CIST1: variants seen among roughly 807,000 people sequenced by gnomAD.
CIST1 encodes uncharacterized LOC729966.
chr19:18,251,259 C>T, the CIST1 span, among the ~76,000 whole-genome samples: 2 of 149,844 alleles, frequency 1.3e-5, no homozygotes, highest in African/African-American at 2.5e-5. Context: ...CCAAGTAGCC[C>T]GGATTACAGG....
the CIST1 span, among the ~76,000 whole-genome samples, chr19:18,254,114 A>G: frequency 6.6e-6 from 1 of 152,176 alleles, no homozygotes. Flanking sequence ...CATGGAACTC[A>G]GGCTGGGCTT....
chr19:18,252,983 G>A, the CIST1 span, among the ~76,000 whole-genome samples: 1 of 152,098 alleles, frequency 6.6e-6, no homozygotes, highest in African/African-American at 2.4e-5. Context: ...GACACCATGT[G>A]AGCTCTCAGT....
the CIST1 span, chr19:18,252,554 C>T: frequency 2.5e-6 from 1 of 398,156 alleles, no homozygotes; most frequent in Non-Finnish European, 4.4e-6. Flanking sequence ...CACTTGAACC[C>T]AGGAATTAGA....
chr19:18,251,122 TAG>T, the CIST1 span, among the ~76,000 whole-genome samples: 5 of 140,728 alleles, frequency 3.6e-5, no homozygotes, highest in African/African-American at 1.3e-4. Flanking sequence ...ATTTTTGAGA[TAG>T]AGTCTTTTTT....
the CIST1 span, chr19:18,255,074 G>T: frequency 2.5e-6 from 1 of 392,566 alleles, no homozygotes. The surrounding 1 kb of genome is among the most constrained non-coding windows in gnomAD (Gnocchi z 4.6). Flanking sequence ...GTTTGTTTCT[G>T]GGGGAAAACC....
At chr19:18,250,222 C>T in the CIST1 span, 6 of 398,866 alleles carry the variant, frequency 1.5e-5, no homozygotes, top group East Asian at 7.1e-5. Flanking sequence ...CCAAAAGGCT[C>T]TGCAGCCCAG....
the CIST1 span, among the ~76,000 whole-genome samples, chr19:18,254,418 G>A: frequency 1.3e-5 from 2 of 152,210 alleles, no homozygotes; most frequent in African/African-American, 2.4e-5. Flanking sequence ...GGGTTGACCA[G>A]AAGGTAAAAA....
chr19:18,251,722 G>C, the CIST1 span, among the ~76,000 whole-genome samples: 2 of 19,916 alleles, frequency 1.0e-4, no homozygotes, highest in African/African-American at 1.8e-4. Flanking sequence ...CAAAGTGCTG[G>C]GATTACAGGC....
the CIST1 span, among the ~76,000 whole-genome samples, chr19:18,251,315 G>A: frequency 4.6e-5 from 7 of 150,832 alleles, no homozygotes; most frequent in African/African-American, 7.3e-5. Context: ...TAGTAGAGAC[G>A]GGGTTTCACC....
the CIST1 span, chr19:18,250,193 A>C: frequency 2.5e-6 from 1 of 398,780 alleles, no homozygotes; most frequent in Non-Finnish European, 4.4e-6. Flanking sequence ...GAAGGAACAC[A>C]CAGGGAGGCA....
the CIST1 span, among the ~76,000 whole-genome samples, chr19:18,251,312 G>T: frequency 1.7e-4 from 25 of 151,220 alleles, no homozygotes; most frequent in African/African-American, 6.1e-4. Flanking sequence ...TTTTAGTAGA[G>T]ACGGGGTTTC....
chr19:18,251,863 A>G, the CIST1 span, among the ~76,000 whole-genome samples: 4 of 151,876 alleles, frequency 2.6e-5, no homozygotes, highest in South Asian at 2.1e-4. Flanking sequence ...CTCTTTGCCC[A>G]TCGCTGCGTG....
At chr19:18,252,406 C>T in the CIST1 span, 3 of 398,666 alleles carry the variant, frequency 7.5e-6, no homozygotes, top group Non-Finnish European at 8.8e-6. Context: ...GTGCTGTGGG[C>T]GAAGGGAGAA....
At chr19:18,254,776 G>T in the CIST1 span, among the ~76,000 whole-genome samples, 1 of 152,166 alleles carries the variant, frequency 6.6e-6, no homozygotes, top group Non-Finnish European at 1.5e-5. Context: ...CTGTCTTATA[G>T]GAGAGCAAGA....
the CIST1 span, among the ~76,000 whole-genome samples, chr19:18,253,974 T>C: frequency 6.6e-6 from 1 of 152,192 alleles, no homozygotes; most frequent in African/African-American, 2.4e-5. Context: ...TGACTCACCC[T>C]AGGCAGCAGA....
the CIST1 span, among the ~76,000 whole-genome samples, chr19:18,251,559 C>G: frequency 1.3e-5 from 2 of 151,856 alleles, no homozygotes; most frequent in South Asian, 4.2e-4. Flanking sequence ...CTCAGCCTCC[C>G]GAGTTGCTGA....
the CIST1 span, among the ~76,000 whole-genome samples, chr19:18,251,619 G>C: frequency 6.7e-6 from 1 of 149,724 alleles, no homozygotes; most frequent in African/African-American, 2.5e-5. Flanking sequence ...AGTTTTAATA[G>C]AGACGGGGTT....
chr19:18,250,238 C>T, the CIST1 span: 1 of 398,974 alleles, frequency 2.5e-6, no homozygotes. Context: ...CCCAGGTTGG[C>T]CCTGCTTGGG....
At chr19:18,251,676 A>ACCCCCCCCCCCCCCCCCCCCCCCCCCCCC in the CIST1 span, among the ~76,000 whole-genome samples, 1 of 23,568 alleles carries the variant, frequency 4.2e-5, no homozygotes, top group African/African-American at 1.1e-4. Context: ...CTCGTGATAC[A>ACCCCCCCCCCCCCCCCCCCCCCCCCCCCC]CGCCCCCCCC....
Sources: gnomAD v4.1 joint callset for allele counts (sites outside exome capture counted in the v4.1 genomes callset) on GRCh38, gnomAD v4.1.1 for gene constraint, Gnocchi (gnomAD v3.1) non-coding constraint, MANE v1.5 for transcripts, NCBI Gene and HGNC (gene_info 2026-07-23, HGNC 2026-07-21) for gene names.